STARD13: variants seen among roughly 807,000 people sequenced by gnomAD.
The protein encoded by STARD13 is stAR-related lipid transfer protein 13.
A neutral mutation model predicts 106.4 loss-of-function variants in STARD13; 62 were observed. The observed-to-expected ratio is 0.58, with a 90% CI of 0.48 to 0.72. The LOEUF is 0.72. STARD13 is among the 30% of genes least tolerant of loss of function. The pLI is 0.00. For synonymous variants in STARD13, 565 were observed against 553.0 expected (o/e 1.02, Z -0.31); for missense variants, 1,387 against 1,424.0 (o/e 0.97, Z 0.42).
chr13:33,592,516 G>A, the STARD13 span, among the ~76,000 whole-genome samples: 1 of 152,136 alleles, frequency 6.6e-6, no homozygotes, highest in African/African-American at 2.4e-5. Flanking sequence ...AGGAGAATGA[G>A]ATACTCCAGA....
At chr13:33,356,045 G>A in the STARD13 span, among the ~76,000 whole-genome samples, 141,797 of 152,304 alleles carry the variant, frequency 0.93, 66,870 homozygotes, top group East Asian at 1. Flanking sequence ...GTCATATCAT[G>A]GTCATCAACT....
At chr13:33,471,753 T>C in the STARD13 span, among the ~76,000 whole-genome samples, 1 of 152,068 alleles carries the variant, frequency 6.6e-6, no homozygotes, top group African/African-American at 2.4e-5. Context: ...ATGGTCTTCC[T>C]GAGAAACGTT....
Position 33,103,963 on chromosome 13 carries a change from CTG to C in STARD13, c.*1628_*1629del, listed in dbSNP as rs1873392665. On this transcript the variant is annotated 3_prime_UTR_variant, in exon 14 of 14. Coordinates refer to ENST00000336934, the MANE Select transcript of STARD13 (RefSeq NM_178006.4). ...AAAAATTTCTAGGTCATAATTCAAA[CTG>C]TAAGATTTTCCTCGCACCATACCAA... The C allele has an allele frequency of 6.6e-6, 1 of 152,322 alleles. No homozygotes were observed. The highest frequency in any genetic ancestry group is 2.1e-4 in the South Asian group (1 of 4,826). 9.4% of individuals were successfully genotyped at this position (152,322 alleles called of 1,614,324 possible).
At chr13:33,164,720 A>G (rs1029444389) in intron 3 of STARD13, among the ~76,000 whole-genome samples, 10 of 152,208 alleles carry the variant, frequency 6.6e-5, no homozygotes, top group African/African-American at 2.4e-4. Context: ...AGTTTCTTCA[A>G]CAAGATAATA....
the STARD13 span, among the ~76,000 whole-genome samples, chr13:33,565,743 C>G: frequency 1.8e-4 from 27 of 148,236 alleles, 2 homozygotes; most frequent in African/African-American, 6.2e-4. Context: ...GGCATGATTA[C>G]TGGCATTAAC....
chr13:33,417,813 C>T, the STARD13 span, among the ~76,000 whole-genome samples: 1 of 152,082 alleles, frequency 6.6e-6, no homozygotes, highest in African/African-American at 2.4e-5. Context: ...TGAGGGATTT[C>T]CTTTTTGTCC....
the STARD13 span, among the ~76,000 whole-genome samples, chr13:33,601,314 A>G: frequency 3.2e-4 from 49 of 152,122 alleles, no homozygotes; most frequent in African/African-American, 1.1e-3. Context: ...TTTTAATGCA[A>G]TCACTTTCAA....
At chr13:33,165,562 A>G (rs1237464709) in intron 2 of STARD13, 144 bp from the exon 3 acceptor site, 2 of 651,514 alleles carry the variant, frequency 3.1e-6, no homozygotes, top group Non-Finnish European at 5.4e-6. Context: ...TTAAGAGAGC[A>G]AAAAATTGCT....
At chr13:33,227,251 T>C (rs1016683195) in intron 1 of STARD13, among the ~76,000 whole-genome samples, 1 of 152,218 alleles carries the variant, frequency 6.6e-6, no homozygotes, top group Non-Finnish European at 1.5e-5. Flanking sequence ...TCTATCTTAG[T>C]TCAAGGTCTG....
chr13:33,180,868 G>A (rs1030238868), intron 1 of STARD13, among the ~76,000 whole-genome samples: 4 of 152,100 alleles, frequency 2.6e-5, no homozygotes, highest in African/African-American at 7.2e-5. Flanking sequence ...TTAGAAATCC[G>A]TCCTTGAAAC....
chr13:33,123,409 A>G (rs1876669745), intron 7 of STARD13, among the ~76,000 whole-genome samples: 1 of 152,180 alleles, frequency 6.6e-6, no homozygotes, highest in Admixed American at 6.5e-5. Context: ...CAGCTAATGA[A>G]GGAAGGTTGG....
At chr13:33,361,470 C>T in the STARD13 span, among the ~76,000 whole-genome samples, 4 of 152,202 alleles carry the variant, frequency 2.6e-5, no homozygotes, top group African/African-American at 7.2e-5. Flanking sequence ...GACTGTAGCT[C>T]GGGGGAGTAG....
At chr13:33,592,886 C>A in the STARD13 span, among the ~76,000 whole-genome samples, 1 of 152,192 alleles carries the variant, frequency 6.6e-6, no homozygotes, top group Non-Finnish European at 1.5e-5. Context: ...TCAAATAGTT[C>A]TGGACAACAG....
chr13:33,338,906 G>A lies in STARD13; in HGVS notation c.124+11384C>T, dbSNP rs9527443. 4.1e-3 allele frequency among the ~76,000 whole-genome samples: 64 copies of A among 15,596 alleles called. 1 individual carries two copies. The highest frequency in any genetic ancestry group is 7.5e-3 in the Non-Finnish European group (40 of 5,304). The allele number at this position is 15,596 out of a possible 152,430, so 10.2% of individuals were successfully genotyped here. A position where few individuals can be genotyped will look rare whatever the true frequency, so the allele number is the denominator to read the frequency against. On this transcript the variant is annotated intron_variant, in intron 1 of 5. Transcript: ENST00000567873. Reference sequence around the variant, plus strand: ...TCTCAAAAAAAAAAAAAAAAAAAAAGAAAGAAAGATACAGGAACAAAGCAT... The same window carrying A: ...TCTCAAAAAAAAAAAAAAAAAAAAAAAAAGAAAGATACAGGAACAAAGCAT...
chr13:33,186,870 A>G lies in STARD13; in HGVS notation c.170-19248T>C, dbSNP rs114019737. ...AGCACAATCCAGACACCACCAAACTACCTGTTAAATCTGCCAGAAAGCCCC... is the reference window on the plus strand; with the variant it reads ...AGCACAATCCAGACACCACCAAACTGCCTGTTAAATCTGCCAGAAAGCCCC... On this transcript the variant is annotated intron_variant, in intron 1 of 13. Transcript: ENST00000336934. Among the ~76,000 whole-genome samples the G allele has an allele frequency of 2.9e-3, 448 of 152,288 alleles. 5 individuals are homozygous for G. The highest frequency in any genetic ancestry group is 1.0e-2 in the African/African-American group (414 of 41,570).
the STARD13 span, among the ~76,000 whole-genome samples, chr13:33,439,299 C>A: frequency 6.6e-6 from 1 of 152,156 alleles, no homozygotes; most frequent in Admixed American, 6.5e-5. Flanking sequence ...TAAACCACTA[C>A]CCTCATATAT....
chr13:33,273,136 T>C (rs893457157), intron 1 of STARD13, among the ~76,000 whole-genome samples: 1 of 152,184 alleles, frequency 6.6e-6, no homozygotes, highest in African/African-American at 2.4e-5. Flanking sequence ...CATGTCAAAG[T>C]AGGAAAACTT....
At chr13:33,367,813 A>G in the STARD13 span, among the ~76,000 whole-genome samples, 2 of 152,060 alleles carry the variant, frequency 1.3e-5, no homozygotes, top group South Asian at 2.1e-4. Flanking sequence ...GCCTGTATCC[A>G]ATATTGTAGT....
At chr13:33,135,447 TACA>T (rs1360516726) in intron 4 of STARD13, among the ~76,000 whole-genome samples, 10 of 152,210 alleles carry the variant, frequency 6.6e-5, no homozygotes, top group Non-Finnish European at 1.0e-4. Flanking sequence ...CAATCTGATT[TACA>T]ACAAGTGCCA....
Sources: allele counts gnomAD v4.1 joint callset (sites outside exome capture counted in the v4.1 genomes callset), GRCh38; gene constraint gnomAD v4.1.1; transcripts MANE v1.5; gene names NCBI Gene and HGNC (gene_info 2026-07-23, HGNC 2026-07-21).